DOCK1: variants seen among roughly 807,000 people sequenced by gnomAD.
The protein encoded by DOCK1 is dedicator of cytokinesis protein 1.
A neutral mutation model predicts 262.7 loss-of-function variants in DOCK1; 138 were observed. The ratio of observed to expected loss-of-function variants is 0.53; its 90% confidence interval spans 0.46 to 0.61. The LOEUF is 0.61. Among genes scored for constraint, DOCK1 ranks in the 20% least tolerant of loss-of-function variants. The pLI is 0.00. For synonymous variants in DOCK1, 866 were observed against 867.4 expected, an observed-to-expected ratio of 1.00 and a Z score of 0.03; for missense variants, 1,908 against 2,370.7, an observed-to-expected ratio of 0.80 and a Z score of 4.05.
At chr10:127,404,599 T>A (rs1158662246) in intron 40 of DOCK1, among the ~76,000 whole-genome samples, 170 bp downstream of exon 40, 1 of 152,220 alleles carries the variant, frequency 6.6e-6, no homozygotes, top group Non-Finnish European at 1.5e-5. Flanking sequence ...GACAGGATTT[T>A]ATTTGGTTGC....
chr10:127,080,875 C>T (rs1260144914), intron 23 of DOCK1, among the ~76,000 whole-genome samples: 1 of 152,148 alleles, frequency 6.6e-6, no homozygotes, highest in East Asian at 1.9e-4. Flanking sequence ...GTACTCTCCG[C>T]CCCCCAGTGT....
chr10:126,962,444 C>A (rs2037303844), intron 1 of DOCK1, among the ~76,000 whole-genome samples: 1 of 151,860 alleles, frequency 6.6e-6, no homozygotes, highest in African/African-American at 2.4e-5. Flanking sequence ...CAGGTATGAA[C>A]CACTGCACCC....
chr10:127,048,708 C>T (rs1409771175), intron 21 of DOCK1, among the ~76,000 whole-genome samples: 1 of 152,104 alleles, frequency 6.6e-6, no homozygotes, highest in Non-Finnish European at 1.5e-5. Flanking sequence ...AGTGCTGAGC[C>T]AGGTTGGACA....
intron 27 of DOCK1, among the ~76,000 whole-genome samples, chr10:127,153,206 T>C (rs1327508259): frequency 6.6e-6 from 1 of 152,254 alleles, no homozygotes; most frequent in Non-Finnish European, 1.5e-5. Flanking sequence ...GAAAAAAGGA[T>C]AGCCATCCTT....
intron 38 of DOCK1, among the ~76,000 whole-genome samples, chr10:127,393,279 G>A (rs1377786944): frequency 6.6e-6 from 1 of 152,216 alleles, no homozygotes; most frequent in African/African-American, 2.4e-5. Context: ...ATGGAAGCCA[G>A]GTGGGACGTC....
At chr10:127,432,284 G>A (rs1212996730) in intron 47 of DOCK1, among the ~76,000 whole-genome samples, 7 of 152,248 alleles carry the variant, frequency 4.6e-5, no homozygotes, top group Admixed American at 1.3e-4. Flanking sequence ...ACATATTTAA[G>A]AAAAAGGCCC....
chr10:127,113,631 C>G (rs2048999937), intron 25 of DOCK1, among the ~76,000 whole-genome samples: 1 of 152,162 alleles, frequency 6.6e-6, no homozygotes, highest in Non-Finnish European at 1.5e-5. Context: ...CCCCATTTCT[C>G]TCTCTTGGAG....
chr10:127,008,999 A>G (rs529146709), intron 11 of DOCK1, among the ~76,000 whole-genome samples, 195 bp downstream of exon 11: 10 of 152,330 alleles, frequency 6.6e-5, no homozygotes, highest in African/African-American at 2.2e-4. Context: ...AAGTTTGTTT[A>G]TGGTCCTGGA....
At chr10:127,258,907 T>A (rs1277131985) in intron 29 of DOCK1, among the ~76,000 whole-genome samples, 1 of 152,210 alleles carries the variant, frequency 6.6e-6, no homozygotes, top group Non-Finnish European at 1.5e-5. Flanking sequence ...TGTCCTTCCC[T>A]TCGACAAATC....
intron 38 of DOCK1, among the ~76,000 whole-genome samples, chr10:127,392,443 T>TG (rs1331502027): frequency 6.6e-6 from 1 of 152,070 alleles, no homozygotes; most frequent in Non-Finnish European, 1.5e-5. Context: ...TCCATTTTTT[T>TG]AAATAGCTTT....
chr10:126,907,581 T>G (rs1055532246), intron 1 of DOCK1, among the ~76,000 whole-genome samples: 1 of 152,082 alleles, frequency 6.6e-6, no homozygotes, highest in African/African-American at 2.4e-5. Context: ...GGGCTTCTCT[T>G]TGGGACGCCA....
intron 38 of DOCK1, among the ~76,000 whole-genome samples, chr10:127,393,287 G>A (rs1565054081): frequency 1.3e-5 from 2 of 152,186 alleles, no homozygotes; most frequent in African/African-American, 2.4e-5. Context: ...CAGGTGGGAC[G>A]TCAGTCTGGC....
At chr10:127,192,489 T>C (rs2056827012) in intron 27 of DOCK1, 1 of 152,238 alleles carries the variant, frequency 6.6e-6, no homozygotes, top group African/African-American at 2.4e-5. Flanking sequence ...CAGGTAGTGA[T>C]TTGTCATCTG....
Position 127,288,047 on chromosome 10 carries a change from T to C in DOCK1, c.3044+30618T>C, listed in dbSNP as rs577984629. The stretch of plus-strand genomic sequence containing the variant: ...AAGGAAGGATAAATGCTTGTCTCTT[T>C]CATTTTAATTATCTATTTGCTAAAT... On this transcript the variant is annotated intron_variant, in intron 29 of 51. Coordinates refer to ENST00000623213, the MANE Select transcript of DOCK1 (RefSeq NM_001290223.2). Among the ~76,000 whole-genome samples, 19 of 152,346 alleles carry C rather than the reference T, an allele frequency of 1.2e-4. No homozygotes were observed. The East Asian group carries it at 3.5e-3, about 28-fold the overall frequency.
chr10:127,405,675 C>T (rs1015979133), intron 40 of DOCK1, among the ~76,000 whole-genome samples: 1 of 152,118 alleles, frequency 6.6e-6, no homozygotes, highest in African/African-American at 2.4e-5. Flanking sequence ...CCAGAGGATA[C>T]AGACCTCCCC....
chr10:127,404,767 T>C (rs1270498391), intron 40 of DOCK1, among the ~76,000 whole-genome samples: 1 of 150,774 alleles, frequency 6.6e-6, no homozygotes, highest in Non-Finnish European at 1.5e-5. Flanking sequence ...GTCACGTTGT[T>C]GTGCGGCCAG....
chr10:127,169,494 C>G (rs944728682), intron 27 of DOCK1, among the ~76,000 whole-genome samples: 3 of 152,222 alleles, frequency 2.0e-5, no homozygotes, highest in Non-Finnish European at 2.9e-5. Flanking sequence ...AATATGGTCA[C>G]TGTATTTACA....
intron 2 of DOCK1, among the ~76,000 whole-genome samples, chr10:126,971,219 T>A (rs2038086490): frequency 6.6e-6 from 1 of 151,574 alleles, no homozygotes; most frequent in Non-Finnish European, 1.5e-5. Context: ...CCTGGCAAAT[T>A]TTTTTGTATT....
intron 23 of DOCK1, among the ~76,000 whole-genome samples, chr10:127,080,874 G>GC (rs938883792): frequency 5.3e-5 from 8 of 152,006 alleles, no homozygotes; most frequent in Non-Finnish European, 5.9e-5. Flanking sequence ...TGTACTCTCC[G>GC]CCCCCCAGTG....
Sources: allele counts gnomAD v4.1 joint callset (sites outside exome capture counted in the v4.1 genomes callset), GRCh38; gene constraint gnomAD v4.1.1; transcripts MANE v1.5; gene names NCBI Gene and HGNC (gene_info 2026-07-23, HGNC 2026-07-21).